THTPA: variants seen among roughly 807,000 people sequenced by gnomAD.
THTPA encodes thiamine-triphosphatase.
In THTPA, 16 loss-of-function variants were observed where a neutral mutation model predicts 16.5. The observed-to-expected ratio is 0.97, with a 90% confidence interval of 0.66 to 1.47. THTPA has a LOEUF of 1.47. Ranked by LOEUF, THTPA falls within the 40% of genes most tolerant of loss-of-function variation. The pLI is 0.00. For synonymous variants in THTPA, 110 were observed against 115.5 expected (o/e 0.95, Z 0.30); for missense variants, 281 against 280.9 (o/e 1.00, Z 0.00).
rs1882957216 is a variant in THTPA at position 23,559,183 on chromosome 14, T to G, written c.*343T>G. On this transcript the variant is annotated 3_prime_UTR_variant, in exon 2 of 2. Coordinates refer to ENST00000288014, the MANE Select transcript of THTPA (RefSeq NM_024328.6). ...CCCCTCCCTTGGTCGATGCCATTGATTCTGCCAGCGGCTCCTAAACCGCCT... is the reference window on the plus strand; with the variant it reads ...CCCCTCCCTTGGTCGATGCCATTGAGTCTGCCAGCGGCTCCTAAACCGCCT... 3.8e-6 allele frequency: 1 copy of G among 261,412 alleles called. No individual in the cohort carries two copies. The highest frequency in any genetic ancestry group is 7.4e-6 in the Non-Finnish European group (1 of 135,024). 16.2% of individuals were successfully genotyped at this position (261,412 alleles called of 1,614,324 possible).
At chr14:23,522,751 G>A in the THTPA span, 204 of 1,536,372 alleles carry the variant, frequency 1.3e-4, no homozygotes, top group Non-Finnish European at 1.6e-4. Flanking sequence ...TTCGCTCACT[G>A]GAGACCTTGT....
the THTPA span, chr14:23,522,628 G>C: frequency 3.9e-6 from 6 of 1,534,978 alleles, no homozygotes; most frequent in Non-Finnish European, 5.2e-6. Flanking sequence ...CCCCAGCAGG[G>C]GGCAATGGAA....
At chr14:23,516,496 T>A in the THTPA span, among the ~76,000 whole-genome samples, 1 of 152,168 alleles carries the variant, frequency 6.6e-6, no homozygotes, top group African/African-American at 2.4e-5. Flanking sequence ...CACAGAAGAA[T>A]CCTTTAGGGA....
the THTPA span, chr14:23,522,262 G>C: frequency 3.9e-5 from 58 of 1,486,916 alleles, no homozygotes; most frequent in South Asian, 6.7e-4. Context: ...CAAAGAAGCA[G>C]AAGGATCTCT....
the THTPA span, among the ~76,000 whole-genome samples, chr14:23,538,292 T>C: frequency 6.6e-6 from 1 of 152,224 alleles, no homozygotes; most frequent in South Asian, 2.1e-4. Flanking sequence ...ATTGCAAATA[T>C]ATCTCTGCCT....
chr14:23,519,466 A>C, the THTPA span, among the ~76,000 whole-genome samples: 1 of 152,140 alleles, frequency 6.6e-6, no homozygotes, highest in Non-Finnish European at 1.5e-5. Flanking sequence ...GGACAGGGAG[A>C]GAGGGGTACA....
At chr14:23,537,011 A>C in the THTPA span, among the ~76,000 whole-genome samples, 1 of 152,060 alleles carries the variant, frequency 6.6e-6, no homozygotes, top group Non-Finnish European at 1.5e-5. Context: ...GTGGTGGTGC[A>C]TGCCTGTAAT....
At chr14:23,558,640 G>A (rs1270146951) in intron 1 of THTPA, 55 bp from the exon 2 acceptor site, 1 of 1,609,708 alleles carries the variant, frequency 6.2e-7, no homozygotes, top group East Asian at 2.2e-5. Flanking sequence ...AGGGAGCAGA[G>A]TCCAAGTGCT....
At chr14:23,557,884 A>G (rs1595218223) in intron 1 of THTPA, among the ~76,000 whole-genome samples, 1 of 152,112 alleles carries the variant, frequency 6.6e-6, no homozygotes, top group African/African-American at 2.4e-5. Flanking sequence ...TGCCCACTAC[A>G]CTGAGAGTCC....
chr14:23,520,397 G>GA, the THTPA span, among the ~76,000 whole-genome samples: 1 of 151,616 alleles, frequency 6.6e-6, no homozygotes, highest in Non-Finnish European at 1.5e-5. This position sits in a 1 kb window ranked among gnomAD's most constrained non-coding sequence, Gnocchi z 8.7. Flanking sequence ...GGGCCTCCAG[G>GA]GGGGCAGCAG....
the THTPA span, among the ~76,000 whole-genome samples, chr14:23,536,422 G>A: frequency 5.3e-5 from 8 of 152,166 alleles, no homozygotes; most frequent in Admixed American, 3.9e-4. Context: ...TCTCTCCAAT[G>A]CCTTCCAGAT....
chr14:23,543,179 T>C, the THTPA span: 1 of 152,280 alleles, frequency 6.6e-6, no homozygotes, highest in African/African-American at 2.4e-5. Flanking sequence ...ATGTTTGCCA[T>C]GGGCCAGGCA....
chr14:23,546,172 G>A, the THTPA span, among the ~76,000 whole-genome samples: 3 of 152,224 alleles, frequency 2.0e-5, no homozygotes, highest in African/African-American at 7.2e-5. The surrounding 1 kb of genome is among the most constrained non-coding windows in gnomAD (Gnocchi z 4.7). Context: ...CTGCTCTGCA[G>A]AGAGGTCTTG....
chr14:23,528,648 C>A, the THTPA span: 201 of 985,428 alleles, frequency 2.0e-4, 2 homozygotes, highest in South Asian at 8.2e-3. Context: ...CAGAAGCCAG[C>A]TCATCCTCCC....
At chr14:23,537,347 A>C in the THTPA span, among the ~76,000 whole-genome samples, 2 of 152,036 alleles carry the variant, frequency 1.3e-5, no homozygotes, top group South Asian at 4.2e-4. Flanking sequence ...TAGCTCTCGT[A>C]TTAGCAGATC....
the THTPA span, chr14:23,531,373 A>G: frequency 7.5e-7 from 1 of 1,325,424 alleles, no homozygotes; most frequent in Non-Finnish European, 9.7e-7. Flanking sequence ...TAGGTGGCCT[A>G]CAGGCCCTCT....
At chr14:23,530,182 A>G in the THTPA span, 1 of 1,535,560 alleles carries the variant, frequency 6.5e-7, no homozygotes, top group Non-Finnish European at 8.7e-7. Flanking sequence ...TAAGGGGGTG[A>G]CAGGAGCCTT....
At chr14:23,527,910 T>TC in the THTPA span, 1 of 1,045,400 alleles carries the variant, frequency 9.6e-7, no homozygotes, top group Non-Finnish European at 1.3e-6. Context: ...CCTTTTTTTT[T>TC]TTTTTTTTTT....
the THTPA span, chr14:23,532,865 GC>G: frequency 6.5e-7 from 1 of 1,536,224 alleles, no homozygotes; most frequent in Non-Finnish European, 8.7e-7. Flanking sequence ...GGTGTCACCA[GC>G]CACCTCCTTC....
Sources: allele counts gnomAD v4.1 joint callset (sites outside exome capture counted in the v4.1 genomes callset), GRCh38; gene constraint gnomAD v4.1.1; non-coding constraint Gnocchi (gnomAD v3.1); transcripts MANE v1.5; gene names NCBI Gene and HGNC (gene_info 2026-07-23, HGNC 2026-07-21).